Variants in PTK2 observed in about 807,000 individuals in gnomAD.
PTK2 encodes focal adhesion kinase 1.
Under a neutral mutation model 150.1 loss-of-function variants are expected in PTK2, and 45 were observed. The observed-to-expected ratio is 0.30, with a 90% CI of 0.24 to 0.38. The LOEUF (loss-of-function observed/expected upper bound fraction) is 0.38, where lower values mean the gene tolerates loss of function less well. Ranked by LOEUF, PTK2 falls within the 10% of genes least tolerant of loss-of-function variation. The probability of loss-of-function intolerance (pLI) is 1.00; values close to 1 mark genes in which losing one functional copy is unlikely to be tolerated. For missense variants in PTK2, 919 were observed against 1,307.3 expected (o/e 0.70, Z 4.58); for synonymous variants, 432 against 449.2 (o/e 0.96, Z 0.48).
chr8:140,800,460 T>C (rs1191770393), exon 12 of PTK2: 1 of 1,609,092 alleles, frequency 6.2e-7, no homozygotes, highest in East Asian at 2.2e-5. Context: ...GCACCTCACC[T>C]TTCTGAGGTC....
intron 27 of PTK2, among the ~76,000 whole-genome samples, chr8:140,683,994 C>G (rs2100018428): frequency 6.6e-6 from 1 of 152,148 alleles, no homozygotes; most frequent in South Asian, 2.1e-4. Flanking sequence ...AACATTAGTG[C>G]TGGAAGTCCT....
At chr8:140,989,280 G>A (rs760102610) in intron 1 of PTK2, among the ~76,000 whole-genome samples, 30 of 146,236 alleles carry the variant, frequency 2.1e-4, no homozygotes, top group Admixed American at 9.7e-4. Flanking sequence ...TGTATTCCCA[G>A]CTACTCAGGA....
intron 1 of PTK2, among the ~76,000 whole-genome samples, chr8:140,991,730 CAG>C (rs1166249768): frequency 6.6e-6 from 1 of 152,162 alleles, no homozygotes; most frequent in African/African-American, 2.4e-5. Flanking sequence ...CTTGCGAGGC[CAG>C]GCATGGTGGC....
intron 27 of PTK2, among the ~76,000 whole-genome samples, chr8:140,681,269 C>T (rs2100016734): frequency 6.6e-6 from 1 of 150,770 alleles, no homozygotes; most frequent in African/African-American, 2.4e-5. Context: ...AGGAGAATCT[C>T]TTGAGCCCGG....
chr8:140,871,432 A>G (rs922177996), intron 4 of PTK2, among the ~76,000 whole-genome samples: 10 of 152,336 alleles, frequency 6.6e-5, no homozygotes, highest in Middle Eastern at 3.4e-3. Context: ...TTAATTATGC[A>G]TATCTTTGTC....
chr8:140,775,289 C>T (rs1191335836), intron 14 of PTK2, among the ~76,000 whole-genome samples: 2 of 152,056 alleles, frequency 1.3e-5, no homozygotes, highest in Admixed American at 1.3e-4. Flanking sequence ...GTTGGGAGAC[C>T]AGCCTGGGAA....
intron 5 of PTK2, among the ~76,000 whole-genome samples, chr8:140,860,952 T>C (rs772454468): frequency 7.2e-5 from 11 of 152,062 alleles, no homozygotes; most frequent in Non-Finnish European, 1.3e-4. Context: ...ATGTATGTAC[T>C]TGATAAACTA....
intron 22 of PTK2, chr8:140,718,468 A>G (rs1410517383): frequency 1.3e-5 from 2 of 152,196 alleles, no homozygotes; most frequent in African/African-American, 4.8e-5. Flanking sequence ...TTCCCATTCC[A>G]CGCAGATGCC....
chr8:140,818,327 C>T, exon 10 of PTK2: 1 of 1,613,970 alleles, frequency 6.2e-7, no homozygotes, highest in Non-Finnish European at 8.5e-7. Context: ...GGGCCGATTG[C>T]CAGTTCCACT....
rs1344928139 is a variant in PTK2, at chr8:140,692,820, A to AT, written c.2500-6127_2500-6126insA. The stretch of plus-strand genomic sequence containing the variant: ...AGGAGAGCTGTTGGCCTTGCTGCGT[A>AT]GCAGAAGCAGGGACAGCAGCCTGGC... On this transcript the variant is annotated intron_variant, in intron 26 of 31. Coordinates refer to ENST00000522684, the Ensembl canonical transcript of PTK2. Among the ~76,000 whole-genome samples, 4 of 152,206 alleles carry AT rather than the reference A, an allele frequency of 2.6e-5. No individual in the cohort carries two copies. The South Asian group carries it at 8.3e-4, about 31-fold the overall frequency.
intron 15 of PTK2, 86 bp downstream of exon 17, chr8:140,764,148 T>C (rs748398831): frequency 8.8e-7 from 1 of 1,138,956 alleles, no homozygotes; most frequent in South Asian, 1.2e-5. Flanking sequence ...AAAATGGCTC[T>C]AAAAAGACAG....
chr8:140,980,598 G>A (rs1329859948), intron 1 of PTK2, among the ~76,000 whole-genome samples: 1 of 151,954 alleles, frequency 6.6e-6, no homozygotes, highest in East Asian at 1.9e-4. Context: ...CTTCAGCCTG[G>A]GCGACAGAGC....
chr8:140,808,934 T>C (rs2100099799), intron 10 of PTK2, among the ~76,000 whole-genome samples: 2 of 152,106 alleles, frequency 1.3e-5, no homozygotes, highest in African/African-American at 2.4e-5. Context: ...GGTTTTGCCA[T>C]GTTGGCCAGG....
Position 140,851,378 on chromosome 8 carries a change from C to A in PTK2, c.451-4700G>T, listed in dbSNP as rs191336719. Reference sequence around the variant, plus strand: ...ATGTTTATAAAATGACTATCATGCGCCAGGATATTATAGTGAATAAAACAA... The same window carrying A: ...ATGTTTATAAAATGACTATCATGCGACAGGATATTATAGTGAATAAAACAA... On this transcript the variant is annotated intron_variant, in intron 5 of 31. Transcript: ENST00000522684. Among the ~76,000 whole-genome samples, 8 of 152,164 alleles carry A rather than the reference C, an allele frequency of 5.3e-5. No individual in the cohort carries two copies. In the East Asian group the frequency reaches 1.2e-3, roughly 22 times the overall value.
chr8:140,722,063 T>A (rs1352203586), intron 22 of PTK2, among the ~76,000 whole-genome samples: 7 of 152,220 alleles, frequency 4.6e-5, no homozygotes, highest in Non-Finnish European at 1.0e-4. Flanking sequence ...AATGGATGAA[T>A]AAAGCCCTAT....
At chr8:140,962,875 C>A (rs1409886242) in intron 1 of PTK2, among the ~76,000 whole-genome samples, 4 of 148,168 alleles carry the variant, frequency 2.7e-5, no homozygotes, top group East Asian at 3.9e-4. Flanking sequence ...CTTGTAGGTC[C>A]CCCCCCCCAA....
intron 1 of PTK2, among the ~76,000 whole-genome samples, chr8:140,972,134 G>T (rs140621538): frequency 1.3e-5 from 2 of 152,020 alleles, no homozygotes; most frequent in Admixed American, 6.5e-5. Flanking sequence ...GTTGATAATA[G>T]CAAACACTAA....
chr8:140,805,791 C>T (rs923267225), intron 10 of PTK2, among the ~76,000 whole-genome samples: 4 of 152,118 alleles, frequency 2.6e-5, no homozygotes, highest in African/African-American at 9.7e-5. Context: ...TTCCTAGTTT[C>T]CCTTCATCCA....
chr8:140,939,356 ACTG>A (rs1471656102), intron 1 of PTK2, among the ~76,000 whole-genome samples: 1 of 152,194 alleles, frequency 6.6e-6, no homozygotes, highest in Non-Finnish European at 1.5e-5. Flanking sequence ...CACATCTATC[ACTG>A]CTATTGATAT....
Sources: allele counts gnomAD v4.1 joint callset (sites outside exome capture counted in the v4.1 genomes callset), GRCh38; gene constraint gnomAD v4.1.1; transcripts MANE v1.5; gene names NCBI Gene and HGNC (gene_info 2026-07-23, HGNC 2026-07-21).